Variants in RAB30 observed in about 807,000 individuals in gnomAD.
RAB30 encodes the protein RAB30, member RAS oncogene family.
RAB30 carries 9 observed loss-of-function variants against 25.1 expected under a neutral mutation model. The observed-to-expected ratio is 0.36, with a 90% CI of 0.22 to 0.63. The LOEUF (loss-of-function observed/expected upper bound fraction) is 0.63, where lower values mean the gene tolerates loss of function less well. Ranked by LOEUF, RAB30 falls within the 20% of genes least tolerant of loss-of-function variation. The pLI is 0.69. For missense variants in RAB30, 140 were observed against 243.5 expected, an observed-to-expected ratio of 0.58 and a Z score of 2.83; for synonymous variants, 77 against 86.4, an observed-to-expected ratio of 0.89 and a Z score of 0.60.
intron 1 of RAB30, among the ~76,000 whole-genome samples, chr11:83,017,504 C>T (rs1437428586): frequency 1.3e-5 from 2 of 152,008 alleles, no homozygotes; most frequent in Admixed American, 1.3e-4. Flanking sequence ...ACACTGTACC[C>T]AATGTGTAGT....
intron 1 of RAB30, among the ~76,000 whole-genome samples, chr11:83,023,569 C>T (rs553599297): frequency 1.3e-5 from 2 of 152,270 alleles, no homozygotes; most frequent in South Asian, 4.1e-4. Flanking sequence ...GTGCTGAGAG[C>T]CCCAGCTGAT....
chr11:83,016,259 T>TG (rs765320650), intron 1 of RAB30, among the ~76,000 whole-genome samples: 5 of 151,950 alleles, frequency 3.3e-5, no homozygotes, highest in Non-Finnish European at 7.4e-5. Context: ...AGATTAGAAT[T>TG]GGGGGAGTGG....
chr11:83,002,791 G>A (rs1010954322), intron 1 of RAB30, among the ~76,000 whole-genome samples: 2 of 152,084 alleles, frequency 1.3e-5, no homozygotes, highest in African/African-American at 2.4e-5. Flanking sequence ...GGACTCTGTC[G>A]ATAAATAAAT....
chr11:82,977,489 C>T lies in RAB30; in HGVS notation c.*4676G>A, dbSNP rs1327885497. ...CCAACCAATTGGATCCTCTCCACAT[C>T]TTTGCCTCTTGACAGAGGCTATTAC... On this transcript the variant is annotated 3_prime_UTR_variant, in exon 5 of 5. Coordinates refer to ENST00000527633, the MANE Select transcript of RAB30 (RefSeq NM_001286060.2). 1.3e-5 allele frequency: 2 copies of T among 152,224 alleles called. No homozygotes were observed. Among genetic ancestry groups the T allele is most frequent in the Non-Finnish European group, 2.9e-5 (2 of 68,036 alleles). 9.4% of individuals were successfully genotyped at this position (152,224 alleles called of 1,614,324 possible). A position where few individuals can be genotyped will look rare whatever the true frequency, so the allele number is the denominator to read the frequency against.
intron 1 of RAB30, among the ~76,000 whole-genome samples, chr11:83,042,600 G>A (rs1204850865): frequency 2.0e-5 from 3 of 152,046 alleles, no homozygotes. Context: ...TCTAGGAAAT[G>A]GCAACTTCAT....
chr11:83,050,794 T>G (rs1033608412), intron 1 of RAB30, among the ~76,000 whole-genome samples: 10 of 152,208 alleles, frequency 6.6e-5, no homozygotes, highest in Non-Finnish European at 1.3e-4. Flanking sequence ...ATAAAATACT[T>G]GTACATGTTA....
intron 4 of RAB30, among the ~76,000 whole-genome samples, chr11:82,984,567 T>C (rs1304354273): frequency 6.6e-6 from 1 of 152,178 alleles, no homozygotes; most frequent in Non-Finnish European, 1.5e-5. Context: ...TGGTCTACGG[T>C]AGTCTTGTGA....
chr11:83,025,626 G>A (rs1216926399), intron 1 of RAB30, among the ~76,000 whole-genome samples: 3 of 152,160 alleles, frequency 2.0e-5, no homozygotes, highest in African/African-American at 7.2e-5. Context: ...ATGATACAAA[G>A]AAAAATAACG....
chr11:83,023,845 T>C (rs1490952075), intron 1 of RAB30, among the ~76,000 whole-genome samples: 2 of 152,192 alleles, frequency 1.3e-5, no homozygotes, highest in South Asian at 2.1e-4. Flanking sequence ...TGCATTCTTA[T>C]TCCACCTTGC....
intron 1 of RAB30, among the ~76,000 whole-genome samples, chr11:83,047,009 C>T (rs1858249060): frequency 6.6e-6 from 1 of 152,190 alleles, no homozygotes; most frequent in African/African-American, 2.4e-5. Flanking sequence ...TCCGGCTCTT[C>T]ACGCAGAGCA....
intron 1 of RAB30, among the ~76,000 whole-genome samples, chr11:83,064,156 A>G (rs1003708695): frequency 1.3e-5 from 2 of 152,032 alleles, no homozygotes; most frequent in African/African-American, 2.4e-5. Context: ...TCTCATGATC[A>G]GGGCTCACTG....
rs1042466097 is a variant in RAB30 at position 83,000,911 on chromosome 11, G to A, written c.-8-3587C>T. Reference sequence around the variant, plus strand: ...AAATACAAAAAATTAGCCGGGCGCAGTGGCGGGCGCCTGTAGTCCCAGCTA... The same window carrying A: ...AAATACAAAAAATTAGCCGGGCGCAATGGCGGGCGCCTGTAGTCCCAGCTA... On this transcript the variant is annotated intron_variant, in intron 1 of 4. Transcript: ENST00000527633. Among the ~76,000 whole-genome samples the A allele has an allele frequency of 5.9e-5, 9 of 151,850 alleles. No individual in the cohort carries two copies. The South Asian group carries it at 1.9e-3, about 31-fold the overall frequency.
intron 1 of RAB30, among the ~76,000 whole-genome samples, chr11:83,019,337 T>C (rs2121511395): frequency 6.6e-6 from 1 of 152,310 alleles, no homozygotes; most frequent in South Asian, 2.1e-4. Flanking sequence ...AAAGGTTTTT[T>C]TTAAAAAATA....
At chr11:83,001,343 T>C (rs1857080326) in intron 1 of RAB30, among the ~76,000 whole-genome samples, 1 of 152,084 alleles carries the variant, frequency 6.6e-6, no homozygotes, top group South Asian at 2.1e-4. Context: ...GCCCAGCTAA[T>C]TTTTTAAATT....
intron 1 of RAB30, among the ~76,000 whole-genome samples, chr11:83,042,555 A>G (rs933543935): frequency 2.0e-5 from 3 of 152,124 alleles, no homozygotes; most frequent in African/African-American, 7.2e-5. Flanking sequence ...TCCATCTCCA[A>G]AAAAAACAAA....
intron 1 of RAB30, among the ~76,000 whole-genome samples, chr11:83,031,532 C>CTT (rs71063251): frequency 0.032 from 4,596 of 143,640 alleles, 97 homozygotes; most frequent in Non-Finnish European, 0.041. Flanking sequence ...CTTTTTTTTT[C>CTT]TTTTTTTTTT....
chr11:83,049,975 G>A (rs556505916), intron 1 of RAB30, among the ~76,000 whole-genome samples: 1 of 152,014 alleles, frequency 6.6e-6, no homozygotes, highest in African/African-American at 2.4e-5. Flanking sequence ...TTTAATAATG[G>A]GGCCAAGCAT....
chr11:83,020,228 T>C (rs1255368229), intron 1 of RAB30, among the ~76,000 whole-genome samples: 4 of 152,076 alleles, frequency 2.6e-5, no homozygotes, highest in East Asian at 3.9e-4. Context: ...CTCTTGGGGG[T>C]CCAGGAAGGC....
chr11:83,028,588 A>G (rs1857779504), intron 1 of RAB30, among the ~76,000 whole-genome samples: 2 of 152,158 alleles, frequency 1.3e-5, no homozygotes, highest in East Asian at 3.8e-4. Context: ...AGAATCAGAA[A>G]TCAGAACCCT....
Sources: allele counts gnomAD v4.1 joint callset (sites outside exome capture counted in the v4.1 genomes callset), GRCh38; gene constraint gnomAD v4.1.1; transcripts MANE v1.5; gene names NCBI Gene and HGNC (gene_info 2026-07-23, HGNC 2026-07-21).